Variants in MSH3 observed in about 807,000 individuals in gnomAD.
MSH3 encodes the protein DNA mismatch repair protein Msh3.
MSH3 carries 106 observed loss-of-function variants against 123.3 expected under a neutral mutation model. The observed-to-expected ratio is 0.86, with a 90% CI of 0.73 to 1.01. MSH3 has a LOEUF of 1.01. Ranked by LOEUF, MSH3 falls within the 50% of genes least tolerant of loss-of-function variation. The pLI is 0.00. For missense variants in MSH3, 1,459 were observed against 1,347.6 expected (o/e 1.08, Z -1.29); for synonymous variants, 515 against 481.4 (o/e 1.07, Z -0.91).
intron 2 of MSH3, among the ~76,000 whole-genome samples, chr5:80,664,873 A>G (rs894009153): frequency 6.6e-6 from 1 of 151,738 alleles, no homozygotes; most frequent in South Asian, 2.1e-4. Flanking sequence ...TTATGGGCTT[A>G]TGTCTTCAAA....
intron 20 of MSH3, among the ~76,000 whole-genome samples, chr5:80,843,992 A>C (rs1044719148): frequency 6.6e-6 from 1 of 151,440 alleles, no homozygotes; most frequent in Admixed American, 6.6e-5. Flanking sequence ...TGTGATGTTA[A>C]GGTGTCGATT....
chr5:80,713,645 A>AT (rs1750900320), intron 8 of MSH3, among the ~76,000 whole-genome samples: 1 of 152,142 alleles, frequency 6.6e-6, no homozygotes, highest in Admixed American at 6.5e-5. Flanking sequence ...AGATAACTTA[A>AT]TTTTTTTGAT....
chr5:80,814,926 C>G (rs1390986825), intron 20 of MSH3, among the ~76,000 whole-genome samples: 2 of 152,208 alleles, frequency 1.3e-5, no homozygotes, highest in Non-Finnish European at 2.9e-5. Context: ...TTAACACCTT[C>G]TGATTTATCA....
At chr5:80,786,075 T>A (rs1017125944) in intron 17 of MSH3, among the ~76,000 whole-genome samples, 1 of 151,998 alleles carries the variant, frequency 6.6e-6, no homozygotes, top group Non-Finnish European at 1.5e-5. Flanking sequence ...CACACCAGCA[T>A]GGCACATGTA....
At chr5:80,857,528 G>C (rs1205133955) in intron 21 of MSH3, among the ~76,000 whole-genome samples, 1 of 152,132 alleles carries the variant, frequency 6.6e-6, no homozygotes. Context: ...TATGATTTTG[G>C]TTTTAGAAGG....
intron 12 of MSH3, among the ~76,000 whole-genome samples, chr5:80,750,600 G>C (rs545257536): frequency 1.0e-3 from 156 of 152,206 alleles, no homozygotes; most frequent in Non-Finnish European, 1.7e-3. Flanking sequence ...TGAGTAGTTT[G>C]AGTTCCCTGT....
At chr5:80,704,902 C>G (rs1750684901) in intron 8 of MSH3, among the ~76,000 whole-genome samples, 1 of 152,130 alleles carries the variant, frequency 6.6e-6, no homozygotes, top group Admixed American at 6.6e-5. Flanking sequence ...GCTCACAACC[C>G]CATACAGTGA....
intron 22 of MSH3, among the ~76,000 whole-genome samples, chr5:80,869,918 A>C (rs1245616020): frequency 6.6e-6 from 1 of 150,842 alleles, no homozygotes. Context: ...TCACGCCTGT[A>C]ATCTCAGCAC....
intron 18 of MSH3, among the ~76,000 whole-genome samples, chr5:80,789,444 C>T (rs1744570992): frequency 6.6e-6 from 1 of 150,834 alleles, no homozygotes; most frequent in Admixed American, 6.6e-5. Context: ...GATCTCGGCT[C>T]ACTGCAACCT....
intron 20 of MSH3, among the ~76,000 whole-genome samples, chr5:80,822,094 G>A (rs370264149): frequency 5.3e-5 from 8 of 152,136 alleles, no homozygotes; most frequent in South Asian, 4.1e-4. Context: ...TGAGTAAACC[G>A]GCTGTGTATG....
rs60090459 is a variant in MSH3 at position 80,762,830 on chromosome 5, GTTATT to G, written c.1896+1157_1896+1161del. ...GTTATGTTATGTTATGTTATGTTATGTTATTTTATGTTATTTTATTTTATTTTATT... is the reference window on the plus strand; with the variant it reads ...GTTATGTTATGTTATGTTATGTTATGTTATGTTATTTTATTTTATTTTATT... On this transcript the variant is annotated intron_variant, in intron 13 of 23. Transcript: ENST00000265081. Among the ~76,000 whole-genome samples, 279 of 120,984 alleles carry G rather than the reference GTTATT, an allele frequency of 2.3e-3. 1 individual carries two copies. Among genetic ancestry groups the G allele is most frequent in the African/African-American group, 7.6e-3 (251 of 32,946 alleles). 79.4% of individuals were successfully genotyped at this position (120,984 alleles called of 152,430 possible).
chr5:80,657,916 T>C (rs1749327370), intron 2 of MSH3, among the ~76,000 whole-genome samples: 1 of 152,154 alleles, frequency 6.6e-6, no homozygotes, highest in Non-Finnish European at 1.5e-5. Context: ...TACCTTTCAT[T>C]GCTTGATTAT....
chr5:80,662,000 A>G (rs1307773501), intron 2 of MSH3, among the ~76,000 whole-genome samples: 2 of 152,240 alleles, frequency 1.3e-5, no homozygotes, highest in Non-Finnish European at 2.9e-5. Context: ...ATACAGAGAC[A>G]GTAGACATTA....
chr5:80,655,087 A>T (rs1045064661), intron 1 of MSH3, 123 bp downstream of exon 1: 8 of 590,870 alleles, frequency 1.4e-5, no homozygotes, highest in Non-Finnish European at 2.2e-5. Flanking sequence ...GGGCGGGCTG[A>T]AGAAGGGGAA....
intron 19 of MSH3, among the ~76,000 whole-genome samples, chr5:80,805,201 G>A (rs1267037073): frequency 6.6e-6 from 1 of 152,230 alleles, no homozygotes; most frequent in African/African-American, 2.4e-5. Flanking sequence ...GCCTGCTTCA[G>A]CAGTGTCTGG....
intron 3 of MSH3, among the ~76,000 whole-genome samples, chr5:80,669,126 T>C (rs2112811493): frequency 6.6e-6 from 1 of 152,374 alleles, no homozygotes; most frequent in Admixed American, 6.5e-5. Context: ...AATTGAGTTT[T>C]TTTTGAAAAG....
At chr5:80,783,274 A>G (rs1312205611) in intron 17 of MSH3, among the ~76,000 whole-genome samples, 9 of 152,178 alleles carry the variant, frequency 5.9e-5, no homozygotes, top group Admixed American at 3.9e-4. Context: ...GGTTGGTAGC[A>G]TAGTGATAAA....
chr5:80,848,985 CTAGT>C (rs1275449185), intron 20 of MSH3, among the ~76,000 whole-genome samples: 1 of 152,208 alleles, frequency 6.6e-6, no homozygotes, highest in African/African-American at 2.4e-5. Context: ...AAATCAAAAG[CTAGT>C]TAGTTACTTC....
At chr5:80,863,737 C>T (rs899806806) in intron 21 of MSH3, among the ~76,000 whole-genome samples, 4 of 151,836 alleles carry the variant, frequency 2.6e-5, no homozygotes, top group Admixed American at 2.0e-4. Flanking sequence ...TTCCAGGCTA[C>T]AGGTAAATTT....
Sources: allele counts gnomAD v4.1 joint callset (sites outside exome capture counted in the v4.1 genomes callset), GRCh38; gene constraint gnomAD v4.1.1; transcripts MANE v1.5; gene names NCBI Gene and HGNC (gene_info 2026-07-23, HGNC 2026-07-21).